CALU: variants seen among roughly 807,000 people sequenced by gnomAD.
CALU encodes the protein calumenin.
Under a neutral mutation model 37.5 loss-of-function variants are expected in CALU, and 13 were observed. The observed-to-expected ratio is 0.35, with a 90% CI of 0.23 to 0.55. The LOEUF (loss-of-function observed/expected upper bound fraction) is 0.55, where lower values mean the gene tolerates loss of function less well. Among genes scored for constraint, CALU ranks in the 20% least tolerant of loss-of-function variants. The pLI is 0.89. For synonymous variants in CALU, 114 were observed against 133.8 expected (o/e 0.85, Z 1.02); for missense variants, 282 against 391.7 (o/e 0.72, Z 2.36).
chr7:128,759,786 GT>G lies in CALU; in HGVS notation c.583-3del. The G allele has an allele frequency of 2.3e-6, 3 of 1,297,168 alleles. No homozygotes were observed. Among genetic ancestry groups the G allele is most frequent in the Non-Finnish European group, 3.4e-6 (3 of 891,758 alleles). 80.4% of individuals were successfully genotyped at this position (1,297,168 alleles called of 1,614,324 possible). On this transcript the variant is annotated splice_polypyrimidine_tract_variant and splice_region_variant and intron_variant, in intron 4 of 6. Transcript: ENST00000249364. ...TAATAGTCTCTTCTTATTCTTTCCT[GT>G]TTAGGAAACAATGGAAGATATAGAT...
rs746969372 is a variant in CALU at position 128,754,267 on chromosome 7, T to C, written c.227T>C (p.Ile76Thr). The C allele has an allele frequency of 2.9e-5, 46 of 1,605,780 alleles. No individual in the cohort carries two copies. Among genetic ancestry groups the C allele is most frequent in the Non-Finnish European group, 3.7e-5 (44 of 1,176,546 alleles). The change falls in exon 3 of 7, where the codon ATT becomes ACT. Residue 76 changes from isoleucine (I) to threonine (T), a missense_variant. By Grantham distance (89) the Ile-to-Thr change is moderately conservative (BLOSUM62 -1). Transcript: ENST00000249364. ...TTTCTCTGCATTTTCTACAGAAAGATTGTAAGTAAAATAGATGGCGACAAG... is the reference window on the plus strand; with the variant it reads ...TTTCTCTGCATTTTCTACAGAAAGACTGTAAGTAAAATAGATGGCGACAAG... ...PEESKERLGK[I>T]VSKIDGDKDG...
chr7:128,755,428 A>G (rs1800844546), intron 3 of CALU, among the ~76,000 whole-genome samples: 1 of 152,166 alleles, frequency 6.6e-6, no homozygotes, highest in East Asian at 1.9e-4. Context: ...CCTAAAATTC[A>G]AACCAAATTA....
At chr7:128,766,938 A>G (rs1801358940) in intron 5 of CALU, among the ~76,000 whole-genome samples, 1 of 152,126 alleles carries the variant, frequency 6.6e-6, no homozygotes, top group Non-Finnish European at 1.5e-5. Flanking sequence ...CAATTTTTGG[A>G]AAAATCTATA....
chr7:128,769,725 A>T lies in CALU; in HGVS notation c.*558A>T, dbSNP rs1181350447. 1 of 152,284 alleles carries T rather than the reference A, an allele frequency of 6.6e-6. No homozygotes were observed. Among genetic ancestry groups the T allele is most frequent in the Non-Finnish European group, 1.5e-5 (1 of 68,082 alleles). The allele number at this position is 152,284 out of a possible 1,614,324, so 9.4% of individuals were successfully genotyped here. On this transcript the variant is annotated 3_prime_UTR_variant, in exon 7 of 7. Coordinates refer to ENST00000249364, the MANE Select transcript of CALU (RefSeq NM_001219.5). ...TACATTCAGTTGCTATAGGTCCAGC[A>T]ACTGAACCTGCCATTACCTGGGCAA... is the stretch of plus-strand genomic sequence containing the variant.
At chr7:128,744,037 A>G (rs1208112913) in intron 1 of CALU, among the ~76,000 whole-genome samples, 1 of 152,048 alleles carries the variant, frequency 6.6e-6, no homozygotes, top group Non-Finnish European at 1.5e-5. Flanking sequence ...GAAACCCTGT[A>G]TCTACTAAAA....
Position 128,769,311 on chromosome 7 carries a change from C to T in CALU, c.*144C>T, listed in dbSNP as rs1366780438. 1.1e-5 allele frequency: 6 copies of T among 546,352 alleles called. No individual in the cohort carries two copies. The highest frequency in any genetic ancestry group is 1.6e-5 in the Non-Finnish European group (5 of 306,336). The allele number at this position is 546,352 out of a possible 1,614,324, so 33.8% of individuals were successfully genotyped here. On this transcript the variant is annotated 3_prime_UTR_variant, in exon 7 of 7. Coordinates refer to ENST00000249364, the MANE Select transcript of CALU (RefSeq NM_001219.5). Reference sequence around the variant, plus strand: ...TAATGAAAACCATCCCGTCCCCATTCCTCCTCCTCTCTGAGGGACTGGAGG... The same window carrying T: ...TAATGAAAACCATCCCGTCCCCATTTCTCCTCCTCTCTGAGGGACTGGAGG...
chr7:128,749,580 T>G (rs1291915917), intron 2 of CALU, among the ~76,000 whole-genome samples: 1 of 152,216 alleles, frequency 6.6e-6, no homozygotes, highest in Non-Finnish European at 1.5e-5. Flanking sequence ...CTGATTGTAT[T>G]CAAGAGATTT....
At chr7:128,744,515 T>C (rs1166139050) in intron 1 of CALU, among the ~76,000 whole-genome samples, 1 of 152,084 alleles carries the variant, frequency 6.6e-6, no homozygotes, top group Non-Finnish European at 1.5e-5. Flanking sequence ...TTTTTTTAAG[T>C]AGAACTTCTT....
intron 6 of CALU, among the ~76,000 whole-genome samples, chr7:128,768,851 A>AAAAAAAAAAAAAAAG (rs1562883568): frequency 6.8e-6 from 1 of 147,968 alleles, no homozygotes; most frequent in Non-Finnish European, 1.5e-5. Flanking sequence ...CCGTCTCAAA[A>AAAAAAAAAAAAAAAG]AAAAAAAAAA....
Position 128,772,726 on chromosome 7 carries a change from T to C in CALU, c.*3559T>C. ...GGAAGTATGGGAAAAAAGACCTTATTCTCTGTATCACCAAAGCCTTGCACA... is the reference window on the plus strand; with the variant it reads ...GGAAGTATGGGAAAAAAGACCTTATCCTCTGTATCACCAAAGCCTTGCACA... On this transcript the variant is annotated 3_prime_UTR_variant, in exon 7 of 7. Coordinates refer to ENST00000249364, the MANE Select transcript of CALU (RefSeq NM_001219.5). 1 of 1,602,536 alleles carries C rather than the reference T, an allele frequency of 6.2e-7. No homozygotes were observed. Among genetic ancestry groups the C allele is most frequent in the East Asian group, 2.2e-5 (1 of 44,808 alleles).
chr7:128,755,951 A>G (rs1431309438), intron 3 of CALU, among the ~76,000 whole-genome samples: 1 of 152,228 alleles, frequency 6.6e-6, no homozygotes, highest in Admixed American at 6.5e-5. Context: ...TGCATTAATT[A>G]CAGGACTGCA....
chr7:128,754,484 C>A, intron 3 of CALU, 29 bp downstream of exon 3: 2 of 1,605,514 alleles, frequency 1.2e-6, no homozygotes, highest in Non-Finnish European at 1.7e-6. Context: ...GGGGAAAAAG[C>A]CTTGTGGAGC....
At chr7:128,754,016 TC>T (rs1800773521) in intron 2 of CALU, among the ~76,000 whole-genome samples, 2 of 152,206 alleles carry the variant, frequency 1.3e-5, no homozygotes, top group South Asian at 4.1e-4. Context: ...TAGGCTGAAA[TC>T]TACCTCCAAA....
chr7:128,759,344 T>C (rs2128881263), intron 4 of CALU, among the ~76,000 whole-genome samples: 1 of 152,316 alleles, frequency 6.6e-6, no homozygotes, highest in South Asian at 2.1e-4. Flanking sequence ...TTATTTAAAA[T>C]ATCCCATGAC....
chr7:128,743,888 T>G (rs2128877252), intron 1 of CALU, among the ~76,000 whole-genome samples: 1 of 152,248 alleles, frequency 6.6e-6, no homozygotes, highest in East Asian at 1.9e-4. Context: ...TCAATTTGGT[T>G]GAAAAGACAA....
intron 1 of CALU, chr7:128,747,978 GAGCC>G: frequency 5.5e-6 from 1 of 181,294 alleles, no homozygotes; most frequent in South Asian, 1.4e-4. Context: ...ACTCAAGGTT[GAGCC>G]TGGATGTTGG....
intron 1 of CALU, among the ~76,000 whole-genome samples, chr7:128,742,408 C>T (rs1800272499): frequency 6.6e-6 from 1 of 152,194 alleles, no homozygotes; most frequent in Non-Finnish European, 1.5e-5. Flanking sequence ...TACTACCACA[C>T]CCATTTCTCC....
intron 1 of CALU, among the ~76,000 whole-genome samples, chr7:128,741,535 A>G (rs958092105): frequency 6.6e-6 from 1 of 152,212 alleles, no homozygotes; most frequent in African/African-American, 2.4e-5. Flanking sequence ...CGAGTTTTAT[A>G]GAAGTTTAGA....
At chr7:128,752,942 G>T (rs906121156) in intron 2 of CALU, among the ~76,000 whole-genome samples, 2 of 152,108 alleles carry the variant, frequency 1.3e-5, no homozygotes, top group African/African-American at 4.8e-5. Context: ...TGCCCGCCTC[G>T]GCCTCCCAAA....
Sources: gnomAD v4.1 joint callset for allele counts (sites outside exome capture counted in the v4.1 genomes callset) on GRCh38, gnomAD v4.1.1 for gene constraint, MANE v1.5 for transcripts, NCBI Gene and HGNC (gene_info 2026-07-23, HGNC 2026-07-21) for gene names.